HIBCH: variants seen among roughly 807,000 people sequenced by gnomAD.
HIBCH encodes the protein 3-hydroxyisobutyryl-CoA hydrolase, mitochondrial.
HIBCH carries 50 observed loss-of-function variants against 58.2 expected under a neutral mutation model. The observed-to-expected ratio is 0.86, with a 90% confidence interval of 0.68 to 1.09. The LOEUF (loss-of-function observed/expected upper bound fraction) is 1.09, where lower values mean the gene tolerates loss of function less well. Among genes scored for constraint, HIBCH ranks in the 50% least tolerant of loss-of-function variants. The probability of loss-of-function intolerance (pLI) is 0.00; values close to 1 mark genes in which losing one functional copy is unlikely to be tolerated. For missense variants in HIBCH, 450 were observed against 449.7 expected (o/e 1.00, Z -0.01); for synonymous variants, 151 against 146.9 (o/e 1.03, Z -0.20).
chr2:190,285,555 G>C (rs1687807999), intron 6 of HIBCH, among the ~76,000 whole-genome samples: 1 of 152,106 alleles, frequency 6.6e-6, no homozygotes, highest in African/African-American at 2.4e-5. Context: ...CTTATTTAGG[G>C]TGGTTCTACT....
intron 11 of HIBCH, among the ~76,000 whole-genome samples, chr2:190,226,979 A>G (rs1017510309): frequency 2.2e-4 from 33 of 152,346 alleles, no homozygotes; most frequent in Non-Finnish European, 3.8e-4. Context: ...GGAAGAATCA[A>G]TATCATGAAA....
rs1010683693 is a variant in HIBCH, at chr2:190,216,368, G to T, written c.892-3293C>A. Among the ~76,000 whole-genome samples, 4 of 152,228 alleles carry T rather than the reference G, an allele frequency of 2.6e-5. No individual in the cohort carries two copies. The highest frequency in any genetic ancestry group is 9.6e-5 in the African/African-American group (4 of 41,458). On this transcript the variant is annotated intron_variant, in intron 11 of 13. Coordinates refer to ENST00000359678, the MANE Select transcript of HIBCH (RefSeq NM_014362.4). This position sits in a 1 kb window ranked among gnomAD's most constrained non-coding sequence, Gnocchi z 4.2. ...TCAGATTATGGAAGGGTAAATGGAT[G>T]AAATGACCATTAAGGTTTTGTTGTT...
chr2:190,277,855 A>G (rs1490477090), intron 6 of HIBCH, among the ~76,000 whole-genome samples: 1 of 152,184 alleles, frequency 6.6e-6, no homozygotes, highest in African/African-American at 2.4e-5. Flanking sequence ...CTCACTGCTC[A>G]TGCTGCAAGG....
chr2:190,224,560 G>C (rs899240195), intron 11 of HIBCH, among the ~76,000 whole-genome samples: 1 of 152,028 alleles, frequency 6.6e-6, no homozygotes, highest in South Asian at 2.1e-4. Context: ...AATGGTAAAG[G>C]GATCAATTCA....
rs1329173552 is a variant in HIBCH at position 190,306,508 on chromosome 2, G to A, written c.78+4246C>T. Among the ~76,000 whole-genome samples, 1 of 152,078 alleles carries A rather than the reference G, an allele frequency of 6.6e-6. No homozygotes were observed. The highest frequency in any genetic ancestry group is 6.6e-5 in the Admixed American group (1 of 15,264). ...AACCAGCAGGTTTCCCAAATTGCAT[G>A]ACAGTTGTACTGTCATGCAATATAC... On this transcript the variant is annotated intron_variant, in intron 2 of 13. Coordinates refer to ENST00000359678, the MANE Select transcript of HIBCH (RefSeq NM_014362.4). The surrounding 1 kb of genome is among the most constrained non-coding windows in gnomAD (Gnocchi z 4.6).
chr2:190,225,386 GAAGAA>G, intron 11 of HIBCH, among the ~76,000 whole-genome samples: 1 of 152,014 alleles, frequency 6.6e-6, no homozygotes, highest in South Asian at 2.1e-4. Context: ...GACTAATAAA[GAAGAA>G]AAGATTAAAG....
At position 190,304,925 on chromosome 2, in the gene HIBCH, A is replaced by G. The variant is rs2124845919; in HGVS notation, c.78+5829T>C. Among the ~76,000 whole-genome samples, 1 of 152,306 alleles carries G rather than the reference A, an allele frequency of 6.6e-6. No individual in the cohort carries two copies. Among genetic ancestry groups the G allele is most frequent in the South Asian group, 2.1e-4 (1 of 4,822 alleles). On this transcript the variant is annotated intron_variant, in intron 2 of 13. Coordinates refer to ENST00000359678, the MANE Select transcript of HIBCH (RefSeq NM_014362.4). This position sits in a 1 kb window ranked among gnomAD's most constrained non-coding sequence, Gnocchi z 4.1. ...ATAAGACACAGTATGCTTTAGTAAA[A>G]AAAGTGTTAGAATTGAAGCACAAAA... is the stretch of plus-strand genomic sequence containing the variant.
At chr2:190,235,716 T>C (rs1335655366) in intron 11 of HIBCH, among the ~76,000 whole-genome samples, 4 of 152,198 alleles carry the variant, frequency 2.6e-5, no homozygotes, top group Non-Finnish European at 5.9e-5. Context: ...GTATTCTCTC[T>C]GGAATACCCT....
At chr2:190,248,582 G>A (rs1280228396) in intron 9 of HIBCH, among the ~76,000 whole-genome samples, 1 of 152,170 alleles carries the variant, frequency 6.6e-6, no homozygotes, top group Non-Finnish European at 1.5e-5. Context: ...TTGTGGAAGG[G>A]CCAGGTGCAG....
In HIBCH at chr2:190,243,828, C is replaced by A. The variant is rs1686521829; in HGVS notation, c.891+1059G>T. 2.0e-5 allele frequency among the ~76,000 whole-genome samples: 3 copies of A among 151,988 alleles called. No individual in the cohort carries two copies. Among genetic ancestry groups the A allele is most frequent in the Admixed American group, 2.0e-4 (3 of 15,266 alleles). On this transcript the variant is annotated intron_variant, in intron 11 of 13. Transcript: ENST00000359678. The surrounding 1 kb of genome is among the most constrained non-coding windows in gnomAD (Gnocchi z 4.1). ...ACAAAAAAATACAAAAAATTAGCCA[C>A]CCGTGGTGGCACACGCCCGTAGTCC...
At chr2:190,234,891 T>G (rs1432065020) in intron 11 of HIBCH, among the ~76,000 whole-genome samples, 1 of 151,468 alleles carries the variant, frequency 6.6e-6, no homozygotes, top group Admixed American at 6.6e-5. Flanking sequence ...ATAATGGTTA[T>G]GTATTCTGGA....
At chr2:190,276,141 T>C (rs951570093) in intron 6 of HIBCH, among the ~76,000 whole-genome samples, 2 of 151,868 alleles carry the variant, frequency 1.3e-5, no homozygotes, top group Admixed American at 1.3e-4. Flanking sequence ...AGAGCAAAGG[T>C]TGGCAACAAT....
Position 190,306,460 on chromosome 2 carries a change from CA to C in HIBCH, c.78+4293del, listed in dbSNP as rs1324870469. Among the ~76,000 whole-genome samples, 2 of 152,096 alleles carry C rather than the reference CA, an allele frequency of 1.3e-5. No individual in the cohort carries two copies. Among genetic ancestry groups the C allele is most frequent in the African/African-American group, 4.8e-5 (2 of 41,404 alleles). On this transcript the variant is annotated intron_variant, in intron 2 of 13. Coordinates refer to ENST00000359678, the MANE Select transcript of HIBCH (RefSeq NM_014362.4). This position sits in a 1 kb window ranked among gnomAD's most constrained non-coding sequence, Gnocchi z 4.6. The stretch of plus-strand genomic sequence containing the variant: ...TAATGTCTTCCTCTGGGACAGACAG[CA>C]GACTTATTTACAGCTTACTAAAACC...
At chr2:190,242,225 T>C (rs1686474467) in intron 11 of HIBCH, among the ~76,000 whole-genome samples, 1 of 151,812 alleles carries the variant, frequency 6.6e-6, no homozygotes, top group Non-Finnish European at 1.5e-5. Flanking sequence ...ATCTCTGATA[T>C]CCTTTCTTCT....
At chr2:190,275,224 GAGA>G (rs1049415451) in intron 6 of HIBCH, among the ~76,000 whole-genome samples, 3 of 152,156 alleles carry the variant, frequency 2.0e-5, no homozygotes, top group Non-Finnish European at 4.4e-5. Flanking sequence ...GAGAGGAGGA[GAGA>G]AGAACCTAAA....
rs1688803525 is a variant in HIBCH, at chr2:190,319,816, G to A, written c.-66C>T. The A allele has an allele frequency of 7.0e-6, 11 of 1,574,596 alleles. No homozygotes were observed. The highest frequency in any genetic ancestry group is 4.6e-5 in the East Asian group (2 of 43,440). Reference sequence around the variant, plus strand: ...CCCGGACCGTTCCAGCGCCTCGCGTGAGCCCCGCCCACCGCCGTCCTGCGC... The same window carrying A: ...CCCGGACCGTTCCAGCGCCTCGCGTAAGCCCCGCCCACCGCCGTCCTGCGC... On this transcript the variant is annotated 5_prime_UTR_variant, in exon 1 of 14. Coordinates refer to ENST00000359678, the MANE Select transcript of HIBCH (RefSeq NM_014362.4).
intron 6 of HIBCH, among the ~76,000 whole-genome samples, chr2:190,263,506 A>T (rs912014367): frequency 6.6e-6 from 1 of 151,842 alleles, no homozygotes; most frequent in African/African-American, 2.4e-5. Context: ...ACTTCACTCT[A>T]CCCCACTGTA....
chr2:190,203,125 C>A (rs1250782349), downstream of HIBCH: 1 of 167,008 alleles, frequency 6.0e-6, no homozygotes, highest in Non-Finnish European at 1.5e-5. Context: ...TATCATTGGC[C>A]TTTTATCAAA....
Position 190,209,909 on chromosome 2 carries a change from T to C in HIBCH, c.1012-996A>G, listed in dbSNP as rs920427262. The stretch of plus-strand genomic sequence containing the variant: ...TTTCTTTACATGAAAAGGTAATTTA[T>C]ATATCCATCCTAGGATTATTTTAAT... On this transcript the variant is annotated intron_variant, in intron 12 of 13. Coordinates refer to ENST00000359678, the MANE Select transcript of HIBCH (RefSeq NM_014362.4). The surrounding 1 kb of genome is among the most constrained non-coding windows in gnomAD (Gnocchi z 5.6). Among the ~76,000 whole-genome samples the C allele has an allele frequency of 6.6e-6, 1 of 152,210 alleles. No homozygotes were observed. Among genetic ancestry groups the C allele is most frequent in the Non-Finnish European group, 1.5e-5 (1 of 68,022 alleles).
Sources: gnomAD v4.1 joint callset for allele counts (sites outside exome capture counted in the v4.1 genomes callset) on GRCh38, gnomAD v4.1.1 for gene constraint, Gnocchi (gnomAD v3.1) non-coding constraint, MANE v1.5 for transcripts, NCBI Gene and HGNC (gene_info 2026-07-23, HGNC 2026-07-21) for gene names.